Variants in IL1RAPL2 observed in about 807,000 individuals in gnomAD.
IL1RAPL2 encodes the protein interleukin 1 receptor accessory protein like 2.
A neutral mutation model predicts 44.1 loss-of-function variants in IL1RAPL2; 3 were observed. The ratio of observed to expected loss-of-function variants is 0.07; its 90% CI spans 0.03 to 0.18. IL1RAPL2 has a LOEUF of 0.18. Among genes scored for constraint, IL1RAPL2 ranks in the 10% least tolerant of loss-of-function variants. The probability of loss-of-function intolerance (pLI) is 1.00; values close to 1 mark genes in which losing one functional copy is unlikely to be tolerated. For missense variants in IL1RAPL2, 391 were observed against 496.4 expected (o/e 0.79, Z 2.02); for synonymous variants, 181 against 178.8 (o/e 1.01, Z -0.10).
chrX:104,752,129 C>A (rs1932269785), intron 2 of IL1RAPL2, among the ~76,000 whole-genome samples: 1 of 110,564 alleles, frequency 9.0e-6, no homozygotes, highest in Non-Finnish European at 1.9e-5. Flanking sequence ...TGGAAAATTT[C>A]TATGGGATGG....
chrX:104,934,251 G>A (rs1924977024), intron 2 of IL1RAPL2, among the ~76,000 whole-genome samples: 1 of 109,011 alleles, frequency 9.2e-6, no homozygotes, highest in African/African-American at 3.3e-5. Context: ...CCGTTTCTGG[G>A]GTTTTACATA....
At chrX:104,908,724 G>A (rs1344023438) in intron 2 of IL1RAPL2, among the ~76,000 whole-genome samples, 1 of 109,324 alleles carries the variant, frequency 9.1e-6, no homozygotes, top group African/African-American at 3.3e-5. Flanking sequence ...TTTCTCTCTG[G>A]CTGCCCTTAA....
intron 2 of IL1RAPL2, among the ~76,000 whole-genome samples, chrX:104,735,752 G>A (rs1317744210): frequency 9.0e-6 from 1 of 111,203 alleles, no homozygotes; most frequent in Non-Finnish European, 1.9e-5. Flanking sequence ...GGTAACTGTA[G>A]CATTTTTCTC....
chrX:105,034,520 C>T (rs866904238), intron 2 of IL1RAPL2, among the ~76,000 whole-genome samples: 47 of 112,187 alleles, frequency 4.2e-4, no homozygotes, highest in Middle Eastern at 4.7e-3. Flanking sequence ...GTATCAGCAG[C>T]GGTGGCTGCA....
At chrX:104,951,667 A>G (rs920449747) in intron 2 of IL1RAPL2, among the ~76,000 whole-genome samples, 2 of 112,677 alleles carry the variant, frequency 1.8e-5, no homozygotes, top group African/African-American at 6.4e-5. Context: ...GCAATGGAAT[A>G]GACATGGGTT....
Position 104,809,368 on chromosome X carries a change from C to T in IL1RAPL2, c.82+150373C>T, listed in dbSNP as rs1469332210. ...ACAGTGTAAAAGTGTTCCTATTTCT[C>T]CACATCCTCTCCAGCACCTGTTGTT... On this transcript the variant is annotated intron_variant, in intron 2 of 10. Coordinates refer to ENST00000372582, the MANE Select transcript of IL1RAPL2 (RefSeq NM_017416.2). 2.7e-5 allele frequency among the ~76,000 whole-genome samples: 3 copies of T among 111,582 alleles called. No homozygotes were observed. In the Admixed American group the frequency reaches 2.8e-4, roughly 11 times the overall value.
At chrX:105,676,336 G>T (rs1449078360) in intron 6 of IL1RAPL2, among the ~76,000 whole-genome samples, 2 of 111,606 alleles carry the variant, frequency 1.8e-5, no homozygotes, top group Non-Finnish European at 3.8e-5. Context: ...GTAGTTTGAT[G>T]CAGTCTGTTG....
intron 2 of IL1RAPL2, among the ~76,000 whole-genome samples, chrX:105,099,668 G>A (rs745897018): frequency 2.8e-5 from 3 of 107,547 alleles, no homozygotes; most frequent in South Asian, 4.3e-4. Flanking sequence ...GGGTTTCACT[G>A]TGTTAGGCAG....
intron 5 of IL1RAPL2, among the ~76,000 whole-genome samples, chrX:105,331,687 C>A (rs2034987909): frequency 9.0e-6 from 1 of 111,608 alleles, no homozygotes. Flanking sequence ...GTGTTTTCCT[C>A]CTGTTTTAAT....
chrX:104,956,461 A>AGTAAGTGTGTGT (rs1556020853), intron 2 of IL1RAPL2, among the ~76,000 whole-genome samples: 1 of 84,086 alleles, frequency 1.2e-5, no homozygotes, highest in Non-Finnish European at 2.2e-5. Flanking sequence ...GTCTCTACTA[A>AGTAAGTGTGTGT]GTGTGTGTGT....
At chrX:105,662,537 T>A (rs1165564772) in intron 6 of IL1RAPL2, among the ~76,000 whole-genome samples, 1 of 111,993 alleles carries the variant, frequency 8.9e-6, no homozygotes. Context: ...ACTCCTCCCC[T>A]CAAGAAGTGG....
chrX:104,787,251 G>A (rs1932804124), intron 2 of IL1RAPL2, among the ~76,000 whole-genome samples: 1 of 111,347 alleles, frequency 9.0e-6, no homozygotes, highest in Admixed American at 9.6e-5. Context: ...TAACATGAAG[G>A]AAAATAGATT....
At chrX:105,658,104 A>G (rs2037690076) in intron 6 of IL1RAPL2, among the ~76,000 whole-genome samples, 1 of 111,646 alleles carries the variant, frequency 9.0e-6, no homozygotes. Flanking sequence ...CTATTAAAGT[A>G]CATTAATAAT....
intron 2 of IL1RAPL2, among the ~76,000 whole-genome samples, chrX:105,095,424 A>T (rs1013817260): frequency 1.8e-5 from 2 of 111,791 alleles, no homozygotes; most frequent in African/African-American, 6.5e-5. Context: ...TATTGAGGTG[A>T]TCATATTTTT....
At chrX:104,898,536 C>G (rs902888924) in intron 2 of IL1RAPL2, among the ~76,000 whole-genome samples, 2 of 112,810 alleles carry the variant, frequency 1.8e-5, no homozygotes, top group African/African-American at 6.4e-5. Context: ...TGCATTTCTG[C>G]ATTGCATGGC....
At chrX:105,198,462 G>A (rs1212745584) in intron 3 of IL1RAPL2, among the ~76,000 whole-genome samples, 6 of 111,925 alleles carry the variant, frequency 5.4e-5, no homozygotes, top group Non-Finnish European at 1.1e-4. Context: ...TTCGATTTAC[G>A]TAGTTATTGC....
At chrX:104,715,725 C>T (rs948937912) in intron 2 of IL1RAPL2, among the ~76,000 whole-genome samples, 4 of 108,834 alleles carry the variant, frequency 3.7e-5, no homozygotes, top group Non-Finnish European at 5.7e-5. Flanking sequence ...ATACAGCTAA[C>T]TAGGGAGGTG....
At chrX:104,674,781 T>C (rs1440418838) in intron 2 of IL1RAPL2, among the ~76,000 whole-genome samples, 2 of 110,973 alleles carry the variant, frequency 1.8e-5, no homozygotes, top group Non-Finnish European at 3.8e-5. Flanking sequence ...CAGATCCTGT[T>C]ATTGGTCTAT....
At chrX:105,117,438 T>G (rs989057739) in intron 2 of IL1RAPL2, among the ~76,000 whole-genome samples, 1 of 111,838 alleles carries the variant, frequency 8.9e-6, no homozygotes, top group African/African-American at 3.3e-5. Flanking sequence ...TTTCCCAGAG[T>G]TGACACAGAC....
Sources: allele counts gnomAD v4.1 joint callset (sites outside exome capture counted in the v4.1 genomes callset), GRCh38; gene constraint gnomAD v4.1.1; transcripts MANE v1.5; gene names NCBI Gene and HGNC (gene_info 2026-07-23, HGNC 2026-07-21).